AURKC: variants seen among roughly 807,000 people sequenced by gnomAD.
AURKC encodes the protein aurora kinase C, also known as ARK-3.
Under a neutral mutation model 29.2 loss-of-function variants are expected in AURKC, and 15 were observed. The observed-to-expected ratio is 0.51, with a 90% confidence interval of 0.34 to 0.79. AURKC has a LOEUF of 0.79. AURKC is among the 30% of genes least tolerant of loss of function. AURKC has a pLI of 0.01. For synonymous variants in AURKC, 150 were observed against 149.9 expected, an observed-to-expected ratio of 1.00 and a Z score of -0.01; for missense variants, 332 against 383.2, an observed-to-expected ratio of 0.87 and a Z score of 1.12.
chr19:57,231,088 C>T lies in AURKC; in HGVS notation c.-161C>T. Reference sequence around the variant, plus strand: ...CGGCTGCTCACGACGCCGCGGATCCCGAAGCCTGTGTAGCAGTGAGACATC... The same window carrying T: ...CGGCTGCTCACGACGCCGCGGATCCTGAAGCCTGTGTAGCAGTGAGACATC... On this transcript the variant is annotated 5_prime_UTR_variant, in exon 1 of 7. Transcript: ENST00000302804. 6.6e-7 allele frequency: 1 copy of T among 1,510,584 alleles called. No individual in the cohort carries two copies. The highest frequency in any genetic ancestry group is 9.0e-7 in the Non-Finnish European group (1 of 1,109,086). 93.6% of individuals were successfully genotyped at this position (1,510,584 alleles called of 1,614,324 possible).
Position 57,231,076 on chromosome 19 carries a change from C to A in AURKC, c.-173C>A. The A allele has an allele frequency of 6.1e-6, 9 of 1,464,608 alleles. No homozygotes were observed. The highest frequency in any genetic ancestry group is 8.4e-6 in the Non-Finnish European group (9 of 1,066,800). The allele number at this position is 1,464,608 out of a possible 1,614,324, so 90.7% of individuals were successfully genotyped here. A position where few individuals can be genotyped will look rare whatever the true frequency, so the allele number is the denominator to read the frequency against. On this transcript the variant is annotated 5_prime_UTR_variant, in exon 1 of 7. Coordinates refer to ENST00000302804, the MANE Select transcript of AURKC (RefSeq NM_001015878.2). ...GCCGCGCAGCCACGGCTGCTCACGACGCCGCGGATCCCGAAGCCTGTGTAG... is the reference window on the plus strand; with the variant it reads ...GCCGCGCAGCCACGGCTGCTCACGAAGCCGCGGATCCCGAAGCCTGTGTAG...
At position 57,234,218 on chromosome 19, in the gene AURKC, C is replaced by T. The variant is rs140541673; in HGVS notation, c.584+610C>T. ...GATTACAGGCATGGGCCATCACACC[C>T]GGCTGATTTTGTATTTTTAGTAAAG... is the stretch of plus-strand genomic sequence containing the variant. On this transcript the variant is annotated intron_variant, in intron 5 of 6. Coordinates refer to ENST00000302804, the MANE Select transcript of AURKC (RefSeq NM_001015878.2). Among the ~76,000 whole-genome samples, 542 of 151,920 alleles carry T rather than the reference C, an allele frequency of 3.6e-3. 1 individual carries two copies. Among genetic ancestry groups the T allele is most frequent in the Non-Finnish European group, 4.5e-3 (307 of 67,920 alleles).
chr19:57,232,289 T>A lies in AURKC; in HGVS notation c.296+65T>A. 6.3e-7 allele frequency: 1 copy of A among 1,578,450 alleles called. No individual in the cohort carries two copies. The highest frequency in any genetic ancestry group is 1.3e-5 in the African/African-American group (1 of 74,380). On this transcript the variant is annotated intron_variant, in intron 3 of 6. Transcript: ENST00000302804. The surrounding 1 kb of genome is among the most constrained non-coding windows in gnomAD (Gnocchi z 4.5). ...TGAGCCCAGCATTTTCCCCAAATAC[T>A]AACCCCAAGTAAACCCTGCACTTGT...
chr19:57,235,378 C>CCGAAGGGTGCTGCCTCCCTGTG lies in AURKC; in HGVS notation c.893_914dup (p.Gln306LysfsTer44). On this transcript the variant is annotated frameshift_variant, in exon 7 of 7. Coordinates refer to ENST00000302804, the MANE Select transcript of AURKC (RefSeq NM_001015878.2). LOFTEE classifies it high-confidence loss of function. Reference sequence around the variant, plus strand: ...AGCACCCCTGGGTTCAGGCCCACTCCCGAAGGGTGCTGCCTCCCTGTGCTC... The same window carrying CCGAAGGGTGCTGCCTCCCTGTG: ...AGCACCCCTGGGTTCAGGCCCACTCCCGAAGGGTGCTGCCTCCCTGTGCGAAGGGTGCTGCCTCCCTGTGCTC... 1 of 1,614,112 alleles carries CCGAAGGGTGCTGCCTCCCTGTG rather than the reference C, an allele frequency of 6.2e-7. No homozygotes were observed. Among genetic ancestry groups the CCGAAGGGTGCTGCCTCCCTGTG allele is most frequent in the Non-Finnish European group, 8.5e-7 (1 of 1,180,040 alleles).
chr19:57,234,777 T>C (rs2087529543), intron 5 of AURKC, 107 bp from the exon 6 acceptor site: 13 of 1,399,116 alleles, frequency 9.3e-6, no homozygotes, highest in Non-Finnish European at 9.9e-6. Flanking sequence ...GGAGGGACTT[T>C]CCAGGGTGTC....
rs753203548 is a variant in AURKC at position 57,235,409 on chromosome 19, G to A, written c.922G>A (p.Ala308Thr). ...RRVLPPCAQM[A>T]S ...GGTGCTGCCTCCCTGTGCTCAGATG[G>A]CTTCCTGAGCCCTGTCTGCCTCTGT... is the stretch of plus-strand genomic sequence containing the variant. Residue 308 changes from alanine to threonine, a missense_variant, in exon 7 of 7, where the codon GCT (alanine) becomes ACT (threonine). By Grantham distance (58) the Ala-to-Thr change is moderately conservative. Coordinates refer to ENST00000302804, the MANE Select transcript of AURKC (RefSeq NM_001015878.2). The A allele has an allele frequency of 6.2e-7, 1 of 1,613,682 alleles. No homozygotes were observed. The highest frequency in any genetic ancestry group is 2.2e-5 in the East Asian group (1 of 44,880).
intron 1 of AURKC, 129 bp from the exon 2 acceptor site, chr19:57,231,613 C>A: frequency 1.1e-6 from 1 of 945,876 alleles, no homozygotes; most frequent in Non-Finnish European, 1.6e-6. Context: ...CTCTCTTTCT[C>A]TCCTCCCCTT....
chr19:57,231,608 T>A, intron 1 of AURKC, 134 bp from the exon 2 acceptor site: 1 of 749,164 alleles, frequency 1.3e-6, no homozygotes, highest in Non-Finnish European at 2.2e-6. Context: ...CTTCCCTCTC[T>A]TTCTCTCCTC....
rs2087500252 is a variant in AURKC at position 57,232,203 on chromosome 19, T to G, written c.275T>G (p.Ile92Ser). ...CTGGAGCACCAGCTGCGCCGGGAAATTGAGATCCAGGCTCATCTACAGTAA... is the reference window on the plus strand; with the variant it reads ...CTGGAGCACCAGCTGCGCCGGGAAAGTGAGATCCAGGCTCATCTACAGTAA... Reference protein sequence around the residue: ...EGLEHQLRREIEIQAHLQHPN... With the variant: ...EGLEHQLRRESEIQAHLQHPN... Residue 92 changes from isoleucine to serine, a missense_variant, in exon 3 of 7, where the codon ATT (isoleucine) becomes AGT (serine). Transcript: ENST00000302804. The surrounding 1 kb of genome is among the most constrained non-coding windows in gnomAD (Gnocchi z 4.5). 1.2e-6 allele frequency: 2 copies of G among 1,613,848 alleles called. No homozygotes were observed. The highest frequency in any genetic ancestry group is 1.7e-6 in the Non-Finnish European group (2 of 1,179,994).
Position 57,231,055 on chromosome 19 carries a change from C to A in AURKC, c.-194C>A, listed in dbSNP as rs186927559. ...TGGTGCCGGGTATAAAAGAAGGCCG[C>A]GCAGCCACGGCTGCTCACGACGCCG... On this transcript the variant is annotated 5_prime_UTR_variant, in exon 1 of 7. Coordinates refer to ENST00000302804, the MANE Select transcript of AURKC (RefSeq NM_001015878.2). 1.3e-4 allele frequency: 181 copies of A among 1,345,106 alleles called. 2 individuals carry two copies. In the African/African-American group the frequency reaches 2.1e-3, roughly 16 times the overall value. The allele number at this position is 1,345,106 out of a possible 1,614,324, so 83.3% of individuals were successfully genotyped here.
intron 2 of AURKC, 71 bp from the exon 3 acceptor site, chr19:57,231,962 T>G: frequency 1.9e-6 from 3 of 1,604,452 alleles, no homozygotes; most frequent in Non-Finnish European, 2.6e-6. Context: ...AAGGGGAGCA[T>G]TGGCATCCCT....
chr19:57,231,966 C>G lies in AURKC; in HGVS notation c.105-67C>G, dbSNP rs758099. On this transcript the variant is annotated intron_variant, in intron 2 of 6. Coordinates refer to ENST00000302804, the MANE Select transcript of AURKC (RefSeq NM_001015878.2). ...AATGAAAGAGGAAGGGGAGCATTGG[C>G]ATCCCTGACTTTCCCTCCGCCTACC... 3.7e-6 allele frequency: 6 copies of G among 1,605,606 alleles called. No individual in the cohort carries two copies. In the South Asian group the frequency reaches 5.5e-5, roughly 15 times the overall value.
Position 57,231,291 on chromosome 19 carries a change from C to T in AURKC, c.43C>T (p.Pro15Ser). Residue 15 changes from proline (P) to serine (S), a missense_variant, in exon 1 of 7, where the codon CCT (proline) becomes TCT (serine). Transcript: ENST00000302804. Reference sequence around the variant, plus strand: ...TGTGGTGCAGCTGGGCAAAGCTCAACCTGCAGGCGAAGAGTGTGAGAGCCA... The same window carrying T: ...TGTGGTGCAGCTGGGCAAAGCTCAATCTGCAGGCGAAGAGTGTGAGAGCCA... ...RAVVQLGKAQPAGEELATANQ... is the reference protein window; with the variant it reads ...RAVVQLGKAQSAGEELATANQ... 4 of 1,553,182 alleles carry T rather than the reference C, an allele frequency of 2.6e-6. No homozygotes were observed. Among genetic ancestry groups the T allele is most frequent in the Non-Finnish European group, 3.5e-6 (4 of 1,147,804 alleles).
At chr19:57,233,380 C>A (rs964778860) in intron 4 of AURKC, 80 bp from the exon 5 acceptor site, 6 of 1,595,916 alleles carry the variant, frequency 3.8e-6, no homozygotes, top group African/African-American at 1.3e-5. Flanking sequence ...TGTAATCATA[C>A]AATTCATGGT....
rs11084490 is a variant in AURKC at position 57,231,104 on chromosome 19, G to A, written c.-145G>A. 6.6e-7 allele frequency: 1 copy of A among 1,520,080 alleles called. No individual in the cohort carries two copies. Among genetic ancestry groups the A allele is most frequent in the Non-Finnish European group, 8.9e-7 (1 of 1,117,774 alleles). 94.2% of individuals were successfully genotyped at this position (1,520,080 alleles called of 1,614,324 possible). A position where few individuals can be genotyped will look rare whatever the true frequency, so the allele number is the denominator to read the frequency against. On this transcript the variant is annotated 5_prime_UTR_variant, in exon 1 of 7. It adds an upstream start codon to the 5' untranslated region. Transcript: ENST00000302804. ...CGCGGATCCCGAAGCCTGTGTAGCA[G>A]TGAGACATCAGTGAGGCTGCAGGAC...
At position 57,231,230 on chromosome 19, in the gene AURKC, G is replaced by T; in HGVS notation, c.-19G>T. 1 of 1,551,624 alleles carries T rather than the reference G, an allele frequency of 6.4e-7. No individual in the cohort carries two copies. Among genetic ancestry groups the T allele is most frequent in the Non-Finnish European group, 8.7e-7 (1 of 1,146,988 alleles). ...CCAGAGGGTTCAGGAAGGCGTCCGC[G>T]CCCTCACCTCTTCTCCCCATGAGCT... On this transcript the variant is annotated 5_prime_UTR_variant, in exon 1 of 7. Transcript: ENST00000302804.
Position 57,232,231 on chromosome 19 carries a change from A to C in AURKC, c.296+7A>C, listed in dbSNP as rs759204802. The C allele has an allele frequency of 1.9e-6, 3 of 1,613,480 alleles. No individual in the cohort carries two copies. Among genetic ancestry groups the C allele is most frequent in the Non-Finnish European group, 2.5e-6 (3 of 1,180,006 alleles). On this transcript the variant is annotated splice_region_variant and intron_variant, in intron 3 of 6. Coordinates refer to ENST00000302804, the MANE Select transcript of AURKC (RefSeq NM_001015878.2). The surrounding 1 kb of genome is among the most constrained non-coding windows in gnomAD (Gnocchi z 4.5). ...AGATCCAGGCTCATCTACAGTAAGG[A>C]CAGTCTCTGCTTCCTCTTTCATCTT...
chr19:57,232,138 C>G lies in AURKC; in HGVS notation c.210C>G (p.Ala70=). The G allele has an allele frequency of 6.2e-7, 1 of 1,613,990 alleles. No homozygotes were observed. Among genetic ancestry groups the G allele is most frequent in the South Asian group, 1.1e-5 (1 of 91,062 alleles). ...ARLKESHFIV[A]LKVLFKSQIE... is the part of the protein sequence containing the mutation. ...TCAAGGAAAGCCATTTCATTGTGGC[C>G]CTGAAGGTTCTCTTCAAGTCGCAGA... Residue 70 remains alanine, a synonymous_variant, in exon 3 of 7, where the codon GCC becomes GCG. Coordinates refer to ENST00000302804, the MANE Select transcript of AURKC (RefSeq NM_001015878.2). The surrounding 1 kb of genome is among the most constrained non-coding windows in gnomAD (Gnocchi z 4.5).
chr19:57,231,978 T>A (rs1322990024), intron 2 of AURKC, 55 bp from the exon 3 acceptor site: 3 of 1,611,550 alleles, frequency 1.9e-6, no homozygotes, highest in African/African-American at 2.7e-5. Flanking sequence ...TCCCTGACTT[T>A]CCCTCCGCCT....
Sources: gnomAD v4.1 joint callset for allele counts (sites outside exome capture counted in the v4.1 genomes callset) on GRCh38, gnomAD v4.1.1 for gene constraint, Gnocchi (gnomAD v3.1) non-coding constraint, MANE v1.5 for transcripts, NCBI Gene and HGNC (gene_info 2026-07-23, HGNC 2026-07-21) for gene names.